The following CD163L1 variants were observed in gnomAD, a reference collection of about 807,000 sequenced individuals.
The protein encoded by CD163L1 is CD163 molecule like 1.
In CD163L1, 124 loss-of-function variants were observed where a neutral mutation model predicts 165.4. The ratio of observed to expected loss-of-function variants is 0.75; its 90% CI spans 0.65 to 0.87. The LOEUF (loss-of-function observed/expected upper bound fraction) is 0.87. CD163L1 is among the 40% of genes least tolerant of loss of function. The pLI is 0.00. For missense variants in CD163L1, 1,525 were observed against 1,799.9 expected, an observed-to-expected ratio of 0.85 and a Z score of 2.76; for synonymous variants, 585 against 662.2, an observed-to-expected ratio of 0.88 and a Z score of 1.79.
At chr12:7,433,814 G>C (rs1948674027) in intron 2 of CD163L1, 120 bp from the exon 3 acceptor site, 3 of 718,062 alleles carry the variant, frequency 4.2e-6, no homozygotes, top group Admixed American at 3.3e-5. Flanking sequence ...ACTTATAGTA[G>C]AGAGAAAATA....
intron 4 of CD163L1, among the ~76,000 whole-genome samples, chr12:7,411,876 G>C (rs1486042452): frequency 1.3e-5 from 2 of 152,186 alleles, no homozygotes; most frequent in African/African-American, 4.8e-5. Flanking sequence ...GAAAATTTGT[G>C]TTGACTACAA....
At chr12:7,322,976 G>T in the CD163L1 span, among the ~76,000 whole-genome samples, 2 of 152,136 alleles carry the variant, frequency 1.3e-5, no homozygotes, top group South Asian at 4.1e-4. Context: ...CAAATTCTTA[G>T]ACCCCATTCC....
At chr12:7,358,758 C>A (rs1485760385) in intron 18 of CD163L1, among the ~76,000 whole-genome samples, 1 of 152,040 alleles carries the variant, frequency 6.6e-6, no homozygotes, top group African/African-American at 2.4e-5. Flanking sequence ...AAGCATCAGA[C>A]CAGACTCAGA....
In CD163L1 at chr12:7,369,261, T is replaced by C. The variant is rs1334013340; in HGVS notation, c.4039+96A>G. ...CCTTTCATTCTTCAACAAGAAATCC[T>C]AGTATCTTCAGCTCAACTCTCTGAG... On this transcript the variant is annotated intron_variant, in intron 15 of 19. Transcript: ENST00000313599. This position sits in a 1 kb window ranked among gnomAD's most constrained non-coding sequence, Gnocchi z 4.9. 14 of 1,289,162 alleles carry C rather than the reference T, an allele frequency of 1.1e-5. No homozygotes were observed. Among genetic ancestry groups the C allele is most frequent in the Non-Finnish European group, 1.5e-5 (14 of 923,952 alleles). 79.9% of individuals were successfully genotyped at this position (1,289,162 alleles called of 1,614,324 possible).
At chr12:7,403,952 T>C in intron 5 of CD163L1, 97 bp from the exon 6 acceptor site, 2 of 864,626 alleles carry the variant, frequency 2.3e-6, no homozygotes, top group Non-Finnish European at 3.6e-6. Context: ...ATTAGATGTA[T>C]CCTTCACATA....
At chr12:7,403,488 T>C in intron 6 of CD163L1, 47 bp downstream of exon 6, 1 of 1,527,846 alleles carries the variant, frequency 6.5e-7, no homozygotes, top group Non-Finnish European at 8.8e-7. Flanking sequence ...CAACAGATTA[T>C]TTCTAAAAAT....
At chr12:7,319,931 G>A in the CD163L1 span, among the ~76,000 whole-genome samples, 3 of 152,164 alleles carry the variant, frequency 2.0e-5, no homozygotes, top group Non-Finnish European at 4.4e-5. Flanking sequence ...ATTTTTAGGT[G>A]TATACATTAC....
chr12:7,324,632 C>G, the CD163L1 span: 154 of 1,602,496 alleles, frequency 9.6e-5, no homozygotes, highest in Non-Finnish European at 8.0e-5. Context: ...GAAGCAACAT[C>G]ATATTTTCAA....
Position 7,369,782 on chromosome 12 carries a change from G to A in CD163L1, c.3731-117C>T. ...TGATGAATATGGGTGTGGTAAGGAA[G>A]GCAGAATTTCAATGTTACATAGATT... is the stretch of plus-strand genomic sequence containing the variant. On this transcript the variant is annotated intron_variant, in intron 14 of 19. Transcript: ENST00000313599. The surrounding 1 kb of genome is among the most constrained non-coding windows in gnomAD (Gnocchi z 4.9). 1.2e-6 allele frequency: 1 copy of A among 851,152 alleles called. No individual in the cohort carries two copies. The highest frequency in any genetic ancestry group is 2.5e-5 in the East Asian group (1 of 40,678). The allele number at this position is 851,152 out of a possible 1,614,324, so 52.7% of individuals were successfully genotyped here. A position where few individuals can be genotyped will look rare whatever the true frequency, so the allele number is the denominator to read the frequency against.
Position 7,375,925 on chromosome 12 carries a change from CACAG to C in CD163L1, c.2457_2460del (p.Cys820IlefsTer16), listed in dbSNP as rs766249837. On this transcript the variant is annotated frameshift_variant, in exon 10 of 20. Coordinates refer to ENST00000313599, the MANE Select transcript of CD163L1 (RefSeq NM_174941.6). LOFTEE classifies it high-confidence loss of function. ...GCAGCATGAAGAGAGAAATCAGAAT[CACAG>C]ACAGAGCGCCATGTGTCTGCATGTT... The C allele has an allele frequency of 1.2e-6, 2 of 1,614,094 alleles. No homozygotes were observed. Among genetic ancestry groups the C allele is most frequent in the East Asian group, 4.5e-5 (2 of 44,896 alleles).
intron 9 of CD163L1, 68 bp from the exon 10 acceptor site, chr12:7,376,082 A>G (rs891697823): frequency 1.4e-6 from 2 of 1,406,534 alleles, no homozygotes; most frequent in Non-Finnish European, 1.9e-6. Flanking sequence ...TCCAGTCTCC[A>G]TATCTAACCC....
At chr12:7,434,748 G>A (rs1948692856) in intron 2 of CD163L1, among the ~76,000 whole-genome samples, 2 of 152,028 alleles carry the variant, frequency 1.3e-5, no homozygotes, top group African/African-American at 4.8e-5. Context: ...AACAGGGAGA[G>A]AGAGTACAAT....
Position 7,403,739 on chromosome 12 carries a change from G to A in CD163L1, c.1204C>T (p.Gln402Ter). 6.2e-7 allele frequency: 1 copy of A among 1,614,018 alleles called. No individual in the cohort carries two copies. Among genetic ancestry groups the A allele is most frequent in the Non-Finnish European group, 8.5e-7 (1 of 1,179,970 alleles). Reference protein sequence around the residue: ...TICDQNWKNEQALVVCKQLGC... With the variant: ...TICDQNWKNE Reference sequence around the variant, plus strand: ...AGCTGCTTACAAACCACAAGGGCTTGTTCATTCTTCCAGTTCTGGTCACAT... The same window carrying A: ...AGCTGCTTACAAACCACAAGGGCTTATTCATTCTTCCAGTTCTGGTCACAT... The change falls in exon 6 of 20, where the codon CAA becomes TAA. Residue 402 changes from glutamine to a stop codon, truncating the protein, a stop_gained. Coordinates refer to ENST00000313599, the MANE Select transcript of CD163L1 (RefSeq NM_174941.6). LOFTEE classifies it high-confidence loss of function.
chr12:7,427,005 T>A (rs952613053), intron 4 of CD163L1, among the ~76,000 whole-genome samples: 1 of 151,940 alleles, frequency 6.6e-6, no homozygotes, highest in African/African-American at 2.4e-5. Flanking sequence ...CAAGAGGATA[T>A]AACAAGAAAA....
chr12:7,402,759 C>T (rs1378149479), intron 6 of CD163L1, among the ~76,000 whole-genome samples: 1 of 151,914 alleles, frequency 6.6e-6, no homozygotes, highest in Non-Finnish European at 1.5e-5. Context: ...CCTTAGTCTA[C>T]TGAGTAGCTA....
the CD163L1 span, among the ~76,000 whole-genome samples, chr12:7,320,543 T>C: frequency 6.6e-6 from 1 of 152,242 alleles, no homozygotes; most frequent in African/African-American, 2.4e-5. Context: ...TTTCAGTAAT[T>C]GGAAATTCCC....
chr12:7,323,183 T>C, the CD163L1 span: 1 of 1,492,266 alleles, frequency 6.7e-7, no homozygotes, highest in Non-Finnish European at 9.1e-7. Context: ...CATGATATAG[T>C]TTCAGAATAT....
In CD163L1 at chr12:7,373,500, GCTGCCTGCACACAATGC is replaced by G; in HGVS notation, c.3533_3549del (p.Gly1178AlafsTer16). 2.5e-6 allele frequency: 4 copies of G among 1,614,204 alleles called. No individual in the cohort carries two copies. The highest frequency in any genetic ancestry group is 3.4e-6 in the Non-Finnish European group (4 of 1,180,022). Reference sequence around the variant, plus strand: ...ACAACTCCATTCTCCCCACAGCCCAGCTGCCTGCACACAATGCCTGCTATGGCTGTGGTGATGTTCCT... The same window carrying G: ...ACAACTCCATTCTCCCCACAGCCCAGCTGCTATGGCTGTGGTGATGTTCCT... On this transcript the variant is annotated frameshift_variant, in exon 14 of 20. Coordinates refer to ENST00000313599, the MANE Select transcript of CD163L1 (RefSeq NM_174941.6). LOFTEE classifies it high-confidence loss of function.
rs1326663015 is a variant in CD163L1 at position 7,406,773 on chromosome 12, C to T, written c.846G>A (p.Arg282=). ...ACTTATGGTGGCATACGGTCCCCCACCTTCCTTGGATTTTCAGCTCTACTC... is the reference window on the plus strand; with the variant it reads ...ACTTATGGTGGCATACGGTCCCCCATCTTCCTTGGATTTTCAGCTCTACTC... The part of the protein sequence containing the change: ...MGRVELKIQG[R]WGTVCHHKWN... The change falls in exon 5 of 20, where the codon AGG becomes AGA. Residue 282 remains arginine (R), a synonymous_variant. Transcript: ENST00000313599. The T allele has an allele frequency of 1.2e-6, 2 of 1,613,972 alleles. No homozygotes were observed. The highest frequency in any genetic ancestry group is 1.1e-5 in the South Asian group (1 of 91,072).
Sources: allele counts gnomAD v4.1 joint callset (sites outside exome capture counted in the v4.1 genomes callset), GRCh38; gene constraint gnomAD v4.1.1; non-coding constraint Gnocchi (gnomAD v3.1); transcripts MANE v1.5; gene names NCBI Gene and HGNC (gene_info 2026-07-23, HGNC 2026-07-21).